The following RIF1 variants were observed in gnomAD, a reference collection of about 807,000 sequenced individuals.
The protein encoded by RIF1 is replication timing regulatory factor 1.
A neutral mutation model predicts 247.1 loss-of-function variants in RIF1; 45 were observed. The ratio of observed to expected loss-of-function variants is 0.18; its 90% CI spans 0.14 to 0.23. The LOEUF (loss-of-function observed/expected upper bound fraction) is 0.23. Among genes scored for constraint, RIF1 ranks in the 10% least tolerant of loss-of-function variants. The pLI is 1.00. For missense variants in RIF1, 2,967 were observed against 2,862.5 expected, an observed-to-expected ratio of 1.04 and a Z score of -0.83; for synonymous variants, 1,087 against 978.8, an observed-to-expected ratio of 1.11 and a Z score of -2.06.
chr2:151,481,890 C>G lies in RIF1; in HGVS notation c.*6819C>G, dbSNP rs890089872. ...CAGTCTCATCCTGAAACCATCTACC[C>G]CAACACCTGTGTCTGTGGAAATTGT... On this transcript the variant is annotated 3_prime_UTR_variant, in exon 36 of 36. Transcript: ENST00000444746. The G allele has an allele frequency of 6.6e-6, 1 of 152,206 alleles. No homozygotes were observed. The highest frequency in any genetic ancestry group is 1.5e-5 in the Non-Finnish European group (1 of 68,058). 9.4% of individuals were successfully genotyped at this position (152,206 alleles called of 1,614,324 possible). A position where few individuals can be genotyped will look rare whatever the true frequency, so the allele number is the denominator to read the frequency against.
intron 21 of RIF1, 36 bp from the exon 22 acceptor site, chr2:151,454,859 A>AT: frequency 6.7e-7 from 1 of 1,495,424 alleles, no homozygotes; most frequent in Non-Finnish European, 9.0e-7. Context: ...TTTTCAATTT[A>AT]TTTGAGTTTT....
chr2:151,498,071 T>G (rs1015757924), intron 10 of RIF1: 1 of 1,459,732 alleles, frequency 6.9e-7, no homozygotes, highest in African/African-American at 1.4e-5. Context: ...CATGTTTGTT[T>G]GTAAATATCA....
Position 151,477,507 on chromosome 2 carries a change from C to T in RIF1, c.*2436C>T, listed in dbSNP as rs772430734. 6.6e-6 allele frequency: 1 copy of T among 152,042 alleles called. No individual in the cohort carries two copies. Among genetic ancestry groups the T allele is most frequent in the Non-Finnish European group, 1.5e-5 (1 of 68,088 alleles). The allele number at this position is 152,042 out of a possible 1,614,324, so 9.4% of individuals were successfully genotyped here. ...TCGGTTCACTGCAAGCTCTGCCTCC[C>T]AGGTTTACACCATTCTCCTGCCTCA... On this transcript the variant is annotated 3_prime_UTR_variant, in exon 36 of 36. Transcript: ENST00000444746.
chr2:151,447,528 C>G (rs893098482), intron 20 of RIF1, among the ~76,000 whole-genome samples: 1 of 152,052 alleles, frequency 6.6e-6, no homozygotes, highest in South Asian at 2.1e-4. Flanking sequence ...TGTACCATTA[C>G]TTGGAATTCT....
At chr2:151,468,814 C>G in intron 33 of RIF1, 58 bp downstream of exon 33, 1 of 1,154,384 alleles carries the variant, frequency 8.7e-7, no homozygotes, top group Non-Finnish European at 1.3e-6. Flanking sequence ...TTTAAGAGGA[C>G]TTATCTGATT....
chr2:151,492,325 CTA>C (rs748780345), intron 9 of RIF1: 1 of 1,597,522 alleles, frequency 6.3e-7, no homozygotes, highest in African/African-American at 1.3e-5. Flanking sequence ...GATGGTGTGA[CTA>C]TATCCCTTTT....
intron 31 of RIF1, 69 bp from the exon 32 acceptor site, chr2:151,468,405 T>C (rs1697290914): frequency 8.0e-7 from 1 of 1,249,072 alleles, no homozygotes; most frequent in Non-Finnish European, 1.2e-6. Flanking sequence ...GCAGTCTAAG[T>C]TGTAAAAATT....
chr2:151,463,056 C>T lies in RIF1; in HGVS notation c.3536C>T (p.Ser1179Leu), dbSNP rs935049047. Residue 1179 changes from serine to leucine, a missense_variant, in exon 30 of 36, where the codon TCA (serine) becomes TTA (leucine). Ser to Leu is a moderately radical substitution (Grantham distance 145). Transcript: ENST00000444746. ...GATGAAAGAAAAAAAGCTTTAATTT[C>T]ATCAAGGAAAACATCAACTGAATGT... ...NNDERKKALISSRKTSTECAS... is the reference protein window; with the variant it reads ...NNDERKKALILSRKTSTECAS... 1 of 1,613,878 alleles carries T rather than the reference C, an allele frequency of 6.2e-7. No homozygotes were observed. Among genetic ancestry groups the T allele is most frequent in the Non-Finnish European group, 8.5e-7 (1 of 1,179,928 alleles).
rs1159138768 is a variant in RIF1, at chr2:151,497,180, C to CTACTT, written c.*513+1862_*513+1866dup. 4.4e-5 allele frequency: 56 copies of CTACTT among 1,266,154 alleles called. No homozygotes were observed. The Middle Eastern group carries it at 7.5e-4, about 17-fold the overall frequency. 78.4% of individuals were successfully genotyped at this position (1,266,154 alleles called of 1,614,324 possible). On this transcript the variant is annotated intron_variant and NMD_transcript_variant, in intron 10 of 13. Transcript: ENST00000454583. ...TTATATGCTGACAAAATGCCACCGA[C>CTACTT]TACTTTACTTTAGTGGAAGTTGTTG...
rs1352004876 is a variant in RIF1 at position 151,463,922 on chromosome 2, C to T, written c.4402C>T (p.Leu1468=). The T allele has an allele frequency of 1.4e-5, 22 of 1,613,350 alleles. No homozygotes were observed. The highest frequency in any genetic ancestry group is 1.1e-4 in the African/African-American group (8 of 74,822). Reference sequence around the variant, plus strand: ...AGATGATGTGTTACCTAAACAAAAACTGATTGCTGAACAAACTCTACAGGA... The same window carrying T: ...AGATGATGTGTTACCTAAACAAAAATTGATTGCTGAACAAACTCTACAGGA... ...IKDDVLPKQK[L]IAEQTLQENL... is the part of the protein sequence containing the mutation. The change falls in exon 30 of 36, where the codon CTG becomes TTG. Residue 1468 remains leucine, a synonymous_variant. Transcript: ENST00000444746.
the RIF1 span, chr2:151,514,366 A>G: frequency 1.9e-6 from 3 of 1,613,854 alleles, no homozygotes; most frequent in Admixed American, 3.3e-5. Context: ...TGTCAGGTGT[A>G]TCTTCCATTT....
rs115961698 is a variant in RIF1, at chr2:151,473,943, T to C, written c.7096-21T>C. The C allele has an allele frequency of 4.5e-4, 605 of 1,335,048 alleles. 2 individuals are homozygous for C. The African/African-American group carries it at 6.9e-3, about 15-fold the overall frequency. The allele number at this position is 1,335,048 out of a possible 1,614,324, so 82.7% of individuals were successfully genotyped here. A position where few individuals can be genotyped will look rare whatever the true frequency, so the allele number is the denominator to read the frequency against. ...TTGTTGTTGTTGTTTTGCGTTTTTT[T>C]CTGCTCCAACTGTAATCAAGGTGAA... On this transcript the variant is annotated intron_variant, in intron 34 of 35. Coordinates refer to ENST00000444746, the MANE Select transcript of RIF1 (RefSeq NM_018151.5).
chr2:151,442,201 G>A (rs542988510), intron 16 of RIF1, among the ~76,000 whole-genome samples: 20 of 151,526 alleles, frequency 1.3e-4, no homozygotes, highest in Non-Finnish European at 2.4e-4. Flanking sequence ...TCAACCTCCC[G>A]AGTAGCTGGG....
chr2:151,469,942 C>G, intron 34 of RIF1, 78 bp downstream of exon 34: 4 of 1,039,850 alleles, frequency 3.8e-6, no homozygotes, highest in South Asian at 3.9e-5. Context: ...GTTAAAAGAT[C>G]ACTTCATAAT....
At chr2:151,462,221 C>T (rs762509665) in intron 27 of RIF1, 21 bp from the exon 28 acceptor site, 100 of 1,479,200 alleles carry the variant, frequency 6.8e-5, no homozygotes, top group Middle Eastern at 2.0e-4. Context: ...TTTGAAGTTA[C>T]TTATATATAG....
chr2:151,445,301 G>A (rs1395981139), intron 18 of RIF1, 37 bp from the exon 19 acceptor site: 4 of 1,134,966 alleles, frequency 3.5e-6, no homozygotes, highest in Non-Finnish European at 5.4e-6. Context: ...AGAATAAGAT[G>A]GTAATTTGTC....
chr2:151,507,226 T>C, intron 13 of RIF1: 1 of 485,566 alleles, frequency 2.1e-6, no homozygotes, highest in South Asian at 2.6e-5. Flanking sequence ...GGTTTGTTTT[T>C]GTTTAAGTAT....
In RIF1 at chr2:151,410,506, A is replaced by G; in HGVS notation, c.83A>G (p.Asp28Gly). 7 of 1,613,764 alleles carry G rather than the reference A, an allele frequency of 4.3e-6. No individual in the cohort carries two copies. Among genetic ancestry groups the G allele is most frequent in the Non-Finnish European group, 5.1e-6 (6 of 1,179,822 alleles). ...DPSASHGGQTDAYLTLTSRMT... is the reference protein window; with the variant it reads ...DPSASHGGQTGAYLTLTSRMT... ...TCTGCCTCCCATGGAGGGCAGACTG[A>G]CGCTTACCTGACTCTGACCAGGTGA... The change falls in exon 2 of 36, where the codon GAC becomes GGC. Residue 28 changes from aspartate to glycine, a missense_variant. Coordinates refer to ENST00000444746, the MANE Select transcript of RIF1 (RefSeq NM_018151.5).
rs143622692 is a variant in RIF1 at position 151,498,748 on chromosome 2, C to T, written c.*514-597C>T. On this transcript the variant is annotated intron_variant and NMD_transcript_variant, in intron 10 of 13. Transcript: ENST00000454583. ...ATCACATAGGGATATTTGGGTTTTA[C>T]AAACATTGTGTATATGGAGACACAT... Among the ~76,000 whole-genome samples the T allele has an allele frequency of 2.4e-4, 36 of 152,202 alleles. No individual in the cohort carries two copies. The East Asian group carries it at 6.8e-3, about 29-fold the overall frequency.
Sources: gnomAD v4.1 joint callset for allele counts (sites outside exome capture counted in the v4.1 genomes callset) on GRCh38, gnomAD v4.1.1 for gene constraint, MANE v1.5 for transcripts, NCBI Gene and HGNC (gene_info 2026-07-23, HGNC 2026-07-21) for gene names.